Variants in ST6GALNAC3 observed in about 807,000 individuals in gnomAD.
ST6GALNAC3 encodes the protein alpha-N-acetylgalactosaminide alpha-2,6-sialyltransferase 3.
A neutral mutation model predicts 32.7 loss-of-function variants in ST6GALNAC3; 25 were observed. That is an observed-to-expected ratio of 0.76 (90% CI 0.56 to 1.07). The LOEUF (loss-of-function observed/expected upper bound fraction) is 1.07. Among genes scored for constraint, ST6GALNAC3 ranks in the 50% least tolerant of loss-of-function variants. ST6GALNAC3 has a pLI of 0.00. For missense variants in ST6GALNAC3, 355 were observed against 382.4 expected, an observed-to-expected ratio of 0.93 and a Z score of 0.60; for synonymous variants, 129 against 133.1, an observed-to-expected ratio of 0.97 and a Z score of 0.21.
In ST6GALNAC3 at chr1:76,314,015, G is replaced by T. The variant is rs1646820414; in HGVS notation, c.213+16G>T. The T allele has an allele frequency of 1.2e-6, 2 of 1,605,460 alleles. No individual in the cohort carries two copies. Among genetic ancestry groups the T allele is most frequent in the Admixed American group, 1.7e-5 (1 of 59,056 alleles). On this transcript the variant is annotated intron_variant, in intron 2 of 4. Transcript: ENST00000328299. ...GACACAAGAGGTAAGATCCCAGAGG[G>T]TTACCTAGCAGTTGGAGAGTATCCA...
In ST6GALNAC3 at chr1:76,443,596, C is replaced by G. The variant is rs114632843; in HGVS notation, c.623+31179C>G. On this transcript the variant is annotated intron_variant, in intron 3 of 4. Transcript: ENST00000328299. ...GCCCTTTGTAATTCCTAAGCATCTT[C>G]CTCCTTTTCTACCTTGCCCTCATCA... Among the ~76,000 whole-genome samples, 542 of 152,278 alleles carry G rather than the reference C, an allele frequency of 3.6e-3. 3 individuals carry two copies. The highest frequency in any genetic ancestry group is 5.2e-3 in the Non-Finnish European group (355 of 68,016).
intron 1 of ST6GALNAC3, among the ~76,000 whole-genome samples, chr1:76,172,403 A>C (rs987551952): frequency 6.6e-6 from 1 of 152,346 alleles, no homozygotes; most frequent in African/African-American, 2.4e-5. Flanking sequence ...CAAAAGCTGG[A>C]AGCATTCCCT....
At chr1:76,609,509 G>T (rs1647780119) in intron 3 of ST6GALNAC3, among the ~76,000 whole-genome samples, 1 of 151,984 alleles carries the variant, frequency 6.6e-6, no homozygotes, top group African/African-American at 2.4e-5. Flanking sequence ...ATGATAAGTT[G>T]TTTCTTCTTT....
chr1:76,605,861 TAAA>T (rs1159864958), intron 3 of ST6GALNAC3, among the ~76,000 whole-genome samples: 6 of 58,896 alleles, frequency 1.0e-4, no homozygotes, highest in African/African-American at 4.4e-4. Flanking sequence ...GGAGACTCCA[TAAA>T]AAAAAAAAAA....
At chr1:76,479,243 G>A (rs1156859098) in intron 3 of ST6GALNAC3, among the ~76,000 whole-genome samples, 1 of 152,102 alleles carries the variant, frequency 6.6e-6, no homozygotes, top group Non-Finnish European at 1.5e-5. Context: ...ATTGGAATAT[G>A]GAAACAGACA....
chr1:76,110,805 CT>C (rs1213115358), intron 1 of ST6GALNAC3, among the ~76,000 whole-genome samples: 1 of 152,120 alleles, frequency 6.6e-6, no homozygotes, highest in Non-Finnish European at 1.5e-5. Context: ...GGAGAATTGC[CT>C]TTGTGTGGGA....
chr1:76,344,463 T>C (rs1648325027), intron 2 of ST6GALNAC3, among the ~76,000 whole-genome samples: 2 of 152,202 alleles, frequency 1.3e-5, no homozygotes, highest in African/African-American at 2.4e-5. Flanking sequence ...GACATACTTT[T>C]TCATTTACTA....
At chr1:76,277,582 GTTTATGTGTATATATATA>G (rs1659232984) in intron 1 of ST6GALNAC3, among the ~76,000 whole-genome samples, 2 of 31,024 alleles carry the variant, frequency 6.4e-5, no homozygotes, top group African/African-American at 3.4e-4. Context: ...ACACACATAT[GTTTATGTGTATATATATA>G]TATATATATA....
intron 3 of ST6GALNAC3, among the ~76,000 whole-genome samples, chr1:76,418,688 G>A (rs1255660075): frequency 6.6e-6 from 1 of 151,902 alleles, no homozygotes; most frequent in Non-Finnish European, 1.5e-5. Context: ...ACAAACCTCT[G>A]TTAGAATGAA....
chr1:76,534,203 C>T (rs557658980), intron 3 of ST6GALNAC3, among the ~76,000 whole-genome samples: 23 of 152,046 alleles, frequency 1.5e-4, no homozygotes, highest in Admixed American at 2.6e-4. Flanking sequence ...CCACCACTGC[C>T]GGCTAATTTT....
intron 3 of ST6GALNAC3, among the ~76,000 whole-genome samples, chr1:76,435,837 T>C (rs1325486791): frequency 2.0e-5 from 3 of 150,178 alleles, no homozygotes; most frequent in Non-Finnish European, 3.0e-5. Context: ...TATCCCCTTA[T>C]GCTTCAATCT....
At chr1:76,315,106 A>C (rs894752837) in intron 2 of ST6GALNAC3, among the ~76,000 whole-genome samples, 3 of 152,112 alleles carry the variant, frequency 2.0e-5, no homozygotes, top group Admixed American at 2.0e-4. Context: ...CATTAATAAC[A>C]CATAAATTCT....
At chr1:76,227,869 T>C (rs2100627137) in intron 1 of ST6GALNAC3, among the ~76,000 whole-genome samples, 1 of 152,318 alleles carries the variant, frequency 6.6e-6, no homozygotes, top group Non-Finnish European at 1.5e-5. Context: ...TTTGCAGCTG[T>C]GACTGTATGG....
intron 1 of ST6GALNAC3, chr1:76,305,782 C>A (rs1661011927): frequency 2.4e-6 from 1 of 422,356 alleles, no homozygotes; most frequent in Admixed American, 2.6e-5. Flanking sequence ...TGAGTGTTAT[C>A]AGTTAGAGAA....
intron 1 of ST6GALNAC3, among the ~76,000 whole-genome samples, chr1:76,266,352 T>C (rs1031312829): frequency 4.6e-5 from 7 of 152,128 alleles, no homozygotes; most frequent in Non-Finnish European, 7.3e-5. Flanking sequence ...TTCCAAGTCT[T>C]TACTGCCGAA....
intron 1 of ST6GALNAC3, among the ~76,000 whole-genome samples, chr1:76,200,754 A>G (rs898969643): frequency 3.9e-5 from 6 of 152,186 alleles, no homozygotes; most frequent in Admixed American, 3.9e-4. Context: ...AAACAAAGGA[A>G]GGGTGTCTAT....
At chr1:76,449,675 T>A (rs750744095) in intron 3 of ST6GALNAC3, among the ~76,000 whole-genome samples, 1 of 152,260 alleles carries the variant, frequency 6.6e-6, no homozygotes, top group Non-Finnish European at 1.5e-5. Context: ...ATATAGAACA[T>A]CTTTTCATAT....
At chr1:76,420,335 C>G (rs140448907) in intron 3 of ST6GALNAC3, among the ~76,000 whole-genome samples, 1 of 152,206 alleles carries the variant, frequency 6.6e-6, no homozygotes, top group East Asian at 1.9e-4. Context: ...GCTTTGTAAT[C>G]TGCTTGTAGT....
chr1:76,496,301 G>C, intron 3 of ST6GALNAC3, among the ~76,000 whole-genome samples: 1 of 152,194 alleles, frequency 6.6e-6, no homozygotes, highest in East Asian at 1.9e-4. Flanking sequence ...CAGTGATTCA[G>C]CTGGAGAAGC....
Sources: allele counts gnomAD v4.1 joint callset (sites outside exome capture counted in the v4.1 genomes callset), GRCh38; gene constraint gnomAD v4.1.1; transcripts MANE v1.5; gene names NCBI Gene and HGNC (gene_info 2026-07-23, HGNC 2026-07-21).